The following ANTXR2 variants were observed in gnomAD, a reference collection of about 807,000 sequenced individuals.
The protein encoded by ANTXR2 is anthrax toxin receptor 2.
Under a neutral mutation model 73.7 loss-of-function variants are expected in ANTXR2, and 44 were observed. The ratio of observed to expected loss-of-function variants is 0.60; its 90% CI spans 0.47 to 0.77. The LOEUF is 0.77. ANTXR2 is among the 30% of genes least tolerant of loss of function. The pLI is 0.00. For synonymous variants in ANTXR2, 217 were observed against 205.9 expected, an observed-to-expected ratio of 1.05 and a Z score of -0.46; for missense variants, 604 against 592.5, an observed-to-expected ratio of 1.02 and a Z score of -0.20.
intron 12 of ANTXR2, among the ~76,000 whole-genome samples, chr4:79,993,760 G>GCGCGCGCACACACACACACA (rs71662888): frequency 2.1e-5 from 3 of 140,770 alleles, no homozygotes; most frequent in Admixed American, 1.4e-4. Context: ...ACACACACAC[G>GCGCGCGCACACACACACACA]CACACACACA....
At position 80,072,803 on chromosome 4, in the gene ANTXR2, T is replaced by C; in HGVS notation, c.-243A>G. ...CGCCGGAACTCTTGACGAATCCCAG[T>C]GGAAGCGCGATCCAGTCCTCCCCCT... On this transcript the variant is annotated 5_prime_UTR_variant, in exon 1 of 17. Coordinates refer to ENST00000403729, the MANE Select transcript of ANTXR2 (RefSeq NM_058172.6). The C allele has an allele frequency of 9.6e-7, 1 of 1,046,628 alleles. No homozygotes were observed. Among genetic ancestry groups the C allele is most frequent in the Non-Finnish European group, 1.2e-6 (1 of 807,650 alleles). The allele number at this position is 1,046,628 out of a possible 1,614,324, so 64.8% of individuals were successfully genotyped here.
intron 11 of ANTXR2, among the ~76,000 whole-genome samples, chr4:80,013,927 A>G (rs1023132920): frequency 1.3e-5 from 2 of 152,210 alleles, no homozygotes; most frequent in African/African-American, 4.8e-5. Flanking sequence ...AACTAGTGGA[A>G]TAATAAAAGT....
intron 14 of ANTXR2, among the ~76,000 whole-genome samples, chr4:79,980,467 A>G (rs971266304): frequency 6.6e-6 from 1 of 152,228 alleles, no homozygotes; most frequent in Non-Finnish European, 1.5e-5. Context: ...CAGAATTAAT[A>G]TATCAGGCTT....
intron 10 of ANTXR2, among the ~76,000 whole-genome samples, chr4:80,029,685 A>G (rs1390884652): frequency 6.6e-6 from 1 of 151,974 alleles, no homozygotes; most frequent in Non-Finnish European, 1.5e-5. Flanking sequence ...AAAGAGGAAG[A>G]TTGCATGATT....
chr4:79,913,216 AT>A (rs1265053207), intron 16 of ANTXR2, among the ~76,000 whole-genome samples: 1 of 152,292 alleles, frequency 6.6e-6, no homozygotes, highest in Non-Finnish European at 1.5e-5. Flanking sequence ...TTTGGGCTGT[AT>A]TTTACAATTA....
intron 16 of ANTXR2, chr4:79,964,985 T>G (rs1281260461): frequency 1.3e-5 from 2 of 152,190 alleles, no homozygotes; most frequent in Admixed American, 1.3e-4. Context: ...AGCGGGAGAC[T>G]GCTCGCCCGC....
At chr4:80,067,096 C>G (rs1048243295) in intron 3 of ANTXR2, among the ~76,000 whole-genome samples, 1 of 151,992 alleles carries the variant, frequency 6.6e-6, no homozygotes, top group Non-Finnish European at 1.5e-5. Flanking sequence ...GTCTCAGCTA[C>G]GCGGGAGGCT....
chr4:80,032,343 A>C (rs186788663), intron 9 of ANTXR2, among the ~76,000 whole-genome samples: 14 of 151,994 alleles, frequency 9.2e-5, no homozygotes, highest in African/African-American at 2.9e-4. Flanking sequence ...TAATGAACTC[A>C]AATATGTAAT....
intron 12 of ANTXR2, among the ~76,000 whole-genome samples, chr4:79,993,292 A>G (rs1393539594): frequency 6.6e-6 from 1 of 151,596 alleles, no homozygotes; most frequent in Non-Finnish European, 1.5e-5. Flanking sequence ...GAAGGAAGAA[A>G]GGGAAATTAG....
chr4:79,920,105 C>G (rs1727536300), intron 16 of ANTXR2, among the ~76,000 whole-genome samples: 1 of 151,562 alleles, frequency 6.6e-6, no homozygotes, highest in African/African-American at 2.4e-5. Context: ...TTTCCTAGCT[C>G]TGCCTGCTGG....
intron 12 of ANTXR2, among the ~76,000 whole-genome samples, chr4:79,991,447 T>C (rs1450533370): frequency 6.6e-6 from 1 of 151,672 alleles, no homozygotes; most frequent in Admixed American, 6.6e-5. Flanking sequence ...AAGTAAAAAA[T>C]AAATAACAGG....
chr4:79,980,041 T>G (rs1729817516), intron 14 of ANTXR2, among the ~76,000 whole-genome samples: 1 of 152,164 alleles, frequency 6.6e-6, no homozygotes, highest in Non-Finnish European at 1.5e-5. Context: ...TCTTTCAAGT[T>G]TCACTGGCAC....
At chr4:80,011,266 T>TCTTG (rs1269372049) in intron 11 of ANTXR2, among the ~76,000 whole-genome samples, 50 of 143,380 alleles carry the variant, frequency 3.5e-4, no homozygotes, top group African/African-American at 1.2e-3. Flanking sequence ...TGCAACCTGG[T>TCTTG]CTTGCTATCT....
At chr4:80,005,733 C>T (rs1175563266) in intron 12 of ANTXR2, among the ~76,000 whole-genome samples, 4 of 152,028 alleles carry the variant, frequency 2.6e-5, no homozygotes, top group Admixed American at 2.6e-4. Flanking sequence ...ACTGCCTTTC[C>T]ATTTCCATTG....
intron 7 of ANTXR2, among the ~76,000 whole-genome samples, chr4:80,051,899 G>A (rs571641893): frequency 1.3e-5 from 2 of 151,494 alleles, no homozygotes; most frequent in East Asian, 3.9e-4. Context: ...CTTACATTAA[G>A]GGGACCAGAC....
intron 12 of ANTXR2, among the ~76,000 whole-genome samples, chr4:79,999,871 T>C (rs1398241394): frequency 6.6e-6 from 1 of 151,860 alleles, no homozygotes; most frequent in Non-Finnish European, 1.5e-5. Flanking sequence ...TGCAGCAAAC[T>C]ATGATCATGT....
intron 3 of ANTXR2, among the ~76,000 whole-genome samples, chr4:80,063,289 C>T (rs1734345586): frequency 6.6e-6 from 1 of 152,068 alleles, no homozygotes; most frequent in African/African-American, 2.4e-5. Context: ...CCTATTCCAC[C>T]CAAGGTCCAA....
At chr4:80,013,683 AT>A (rs1360635850) in intron 11 of ANTXR2, among the ~76,000 whole-genome samples, 1 of 152,172 alleles carries the variant, frequency 6.6e-6, no homozygotes, top group Non-Finnish European at 1.5e-5. Flanking sequence ...TCATCATAGT[AT>A]TACCCACTAT....
At position 80,033,485 on chromosome 4, in the gene ANTXR2, T is replaced by G. The variant is rs921626277; in HGVS notation, c.783A>C (p.Glu261Asp). The G allele has an allele frequency of 2.5e-6, 4 of 1,598,560 alleles. No individual in the cohort carries two copies. In the African/African-American group the frequency reaches 5.4e-5, roughly 22 times the overall value. Residue 261 changes from glutamate to aspartate, a missense_variant, in exon 9 of 17, where the codon GAA becomes GAC. Transcript: ENST00000403729. ...GSVLCTYTVNETYTTSVKPVS... is the reference protein window; with the variant it reads ...GSVLCTYTVNDTYTTSVKPVS... ...CTGGGGACCTACTCGTTGTATATGT[T>G]TCATTTACAGTGTAAGTGCAGAGAA... is the stretch of plus-strand genomic sequence containing the variant.
Sources: allele counts gnomAD v4.1 joint callset (sites outside exome capture counted in the v4.1 genomes callset), GRCh38; gene constraint gnomAD v4.1.1; transcripts MANE v1.5; gene names NCBI Gene and HGNC (gene_info 2026-07-23, HGNC 2026-07-21).